OPCML: variants seen among roughly 807,000 people sequenced by gnomAD.
The protein encoded by OPCML is opioid-binding protein/cell adhesion molecule.
In OPCML, 13 loss-of-function variants were observed where a neutral mutation model predicts 37.8. The ratio of observed to expected loss-of-function variants is 0.34; its 90% CI spans 0.22 to 0.55. The LOEUF (loss-of-function observed/expected upper bound fraction) is 0.55, where lower values mean the gene tolerates loss of function less well. OPCML is among the 20% of genes least tolerant of loss of function. The probability of loss-of-function intolerance (pLI) is 0.91; values close to 1 mark genes in which losing one functional copy is unlikely to be tolerated. For missense variants in OPCML, 341 were observed against 435.6 expected (o/e 0.78, Z 1.93); for synonymous variants, 176 against 168.8 (o/e 1.04, Z -0.33).
chr11:133,180,271 A>G (rs1937762287), intron 1 of OPCML, among the ~76,000 whole-genome samples: 1 of 152,042 alleles, frequency 6.6e-6, no homozygotes, highest in Admixed American at 6.6e-5. Flanking sequence ...ACCTGCCCAG[A>G]CCTGGCCTAT....
chr11:132,731,851 AAGCAAAT>A (rs1477393956), intron 2 of OPCML, among the ~76,000 whole-genome samples: 1 of 152,200 alleles, frequency 6.6e-6, no homozygotes, highest in Non-Finnish European at 1.5e-5. Flanking sequence ...AGGAAATGCA[AAGCAAAT>A]AGGTGTATCA....
intron 1 of OPCML, among the ~76,000 whole-genome samples, chr11:133,303,228 G>A (rs1942825921): frequency 6.6e-6 from 1 of 152,170 alleles, no homozygotes; most frequent in Non-Finnish European, 1.5e-5. Context: ...CCCCCCTGGT[G>A]CACAGGAAAG....
chr11:132,626,209 G>T (rs558348014), intron 3 of OPCML, among the ~76,000 whole-genome samples: 34 of 151,502 alleles, frequency 2.2e-4, no homozygotes, highest in African/African-American at 8.2e-4. Context: ...CTGGGGCATG[G>T]CTGGAACATT....
chr11:132,897,451 A>G (rs1487675765), intron 2 of OPCML, among the ~76,000 whole-genome samples: 2 of 152,188 alleles, frequency 1.3e-5, no homozygotes, highest in Non-Finnish European at 2.9e-5. Flanking sequence ...CCCTGGAGGT[A>G]CAAAGAAGTT....
intron 3 of OPCML, among the ~76,000 whole-genome samples, chr11:132,623,280 C>G (rs1013592140): frequency 4.6e-5 from 7 of 152,076 alleles, no homozygotes; most frequent in African/African-American, 1.7e-4. Flanking sequence ...TGGCTCTGAG[C>G]TTCACTTCGC....
At chr11:132,831,295 C>T (rs1038953508) in intron 2 of OPCML, among the ~76,000 whole-genome samples, 1 of 150,494 alleles carries the variant, frequency 6.6e-6, no homozygotes, top group Non-Finnish European at 1.5e-5. Context: ...TTTCAATGCT[C>T]ATTTAGCAGA....
chr11:133,086,282 AT>A (rs1231566632), intron 1 of OPCML, among the ~76,000 whole-genome samples: 1 of 152,008 alleles, frequency 6.6e-6, no homozygotes, highest in Admixed American at 6.6e-5. Context: ...AGGTGTAATT[AT>A]TTTCCCCCAT....
intron 3 of OPCML, among the ~76,000 whole-genome samples, chr11:132,554,860 A>G (rs1394714827): frequency 8.9e-6 from 1 of 112,650 alleles, no homozygotes; most frequent in East Asian, 4.5e-4. Flanking sequence ...GGAATGGGGT[A>G]AAGTTTTTTT....
intron 2 of OPCML, among the ~76,000 whole-genome samples, chr11:132,730,198 T>G (rs1945030225): frequency 6.6e-6 from 1 of 151,928 alleles, no homozygotes; most frequent in African/African-American, 2.4e-5. Flanking sequence ...GTATTTTCAG[T>G]AGAGATTTCT....
intron 1 of OPCML, among the ~76,000 whole-genome samples, chr11:133,268,068 C>A (rs776100047): frequency 4.6e-5 from 7 of 152,196 alleles, no homozygotes; most frequent in Non-Finnish European, 1.0e-4. Context: ...ACTGATGTAA[C>A]AATGGCCCTG....
chr11:132,706,292 G>A (rs998958802), intron 2 of OPCML, among the ~76,000 whole-genome samples: 4 of 152,120 alleles, frequency 2.6e-5, no homozygotes, highest in Non-Finnish European at 2.9e-5. Flanking sequence ...TGGATCAATT[G>A]TGTAGACAAG....
At chr11:132,968,728 G>T (rs753371403) in intron 1 of OPCML, among the ~76,000 whole-genome samples, 7 of 152,164 alleles carry the variant, frequency 4.6e-5, no homozygotes, top group Admixed American at 6.5e-5. Flanking sequence ...TGCTATGATT[G>T]CTTATTAGTT....
At chr11:132,515,229 T>C (rs2096277094) in intron 4 of OPCML, among the ~76,000 whole-genome samples, 2 of 152,108 alleles carry the variant, frequency 1.3e-5, no homozygotes, top group South Asian at 2.1e-4. Context: ...GGAGGATTAC[T>C]CTCACCATTA....
At chr11:133,224,867 C>A (rs924837926) in intron 1 of OPCML, among the ~76,000 whole-genome samples, 1 of 152,194 alleles carries the variant, frequency 6.6e-6, no homozygotes, top group Non-Finnish European at 1.5e-5. Context: ...AGGTGGTAAT[C>A]CTCTTTCCAT....
At chr11:132,480,251 C>A (rs1323090285) in intron 4 of OPCML, among the ~76,000 whole-genome samples, 1 of 152,048 alleles carries the variant, frequency 6.6e-6, no homozygotes, top group African/African-American at 2.4e-5. Flanking sequence ...ATGCAATCAA[C>A]TGGTAGAAAG....
intron 2 of OPCML, among the ~76,000 whole-genome samples, chr11:132,892,675 G>A (rs1228267312): frequency 6.6e-6 from 1 of 152,222 alleles, no homozygotes; most frequent in Non-Finnish European, 1.5e-5. Flanking sequence ...GCTGAGGCAA[G>A]AGAATTGCTT....
At chr11:132,520,346 T>C (rs1450184218) in intron 4 of OPCML, among the ~76,000 whole-genome samples, 1 of 152,188 alleles carries the variant, frequency 6.6e-6, no homozygotes, top group Non-Finnish European at 1.5e-5. Context: ...TGTGATTCAT[T>C]TGTCATTACT....
intron 1 of OPCML, chr11:133,004,118 C>A (rs1050688052): frequency 1.0e-6 from 1 of 985,234 alleles, no homozygotes; most frequent in Non-Finnish European, 1.2e-6. Flanking sequence ...AAGTTGGACA[C>A]CCACACATCT....
chr11:132,902,531 G>C (rs911264587), intron 2 of OPCML, among the ~76,000 whole-genome samples: 1 of 152,128 alleles, frequency 6.6e-6, no homozygotes, highest in Non-Finnish European at 1.5e-5. Flanking sequence ...CATCAGGGAT[G>C]GGGGAGAAGA....
Sources: gnomAD v4.1 joint callset for allele counts (sites outside exome capture counted in the v4.1 genomes callset) on GRCh38, gnomAD v4.1.1 for gene constraint, MANE v1.5 for transcripts, NCBI Gene and HGNC (gene_info 2026-07-23, HGNC 2026-07-21) for gene names.